The following CCDC192 variants were observed in gnomAD, a reference collection of about 807,000 sequenced individuals.
CCDC192 encodes coiled-coil domain-containing protein 192.
intron 5 of CCDC192, among the ~76,000 whole-genome samples, chr5:127,814,845 G>A (rs960513139): frequency 6.6e-6 from 1 of 152,154 alleles, no homozygotes; most frequent in African/African-American, 2.4e-5. Context: ...CATGTCCTAC[G>A]TACCTGTGTT....
intron 2 of CCDC192, among the ~76,000 whole-genome samples, chr5:127,713,207 C>T (rs1751437306): frequency 1.3e-5 from 2 of 151,596 alleles, no homozygotes; most frequent in African/African-American, 4.9e-5. Context: ...GGACTCCAGC[C>T]TGGGCAACAA....
chr5:127,789,144 T>C (rs1756727787), intron 3 of CCDC192, among the ~76,000 whole-genome samples: 1 of 152,202 alleles, frequency 6.6e-6, no homozygotes, highest in Admixed American at 6.5e-5. Flanking sequence ...GTTATAGAAG[T>C]CTGAACTGAC....
intron 5 of CCDC192, among the ~76,000 whole-genome samples, chr5:127,833,943 AT>A (rs1040590088): frequency 6.6e-6 from 1 of 152,162 alleles, no homozygotes; most frequent in Non-Finnish European, 1.5e-5. Flanking sequence ...GAAAATGGAA[AT>A]CATAATGATG....
chr5:127,798,376 A>G (rs1275022161), intron 5 of CCDC192, among the ~76,000 whole-genome samples: 1 of 152,174 alleles, frequency 6.6e-6, no homozygotes, highest in Non-Finnish European at 1.5e-5. Context: ...GAGCTCTTAT[A>G]TATAATCAGA....
chr5:127,881,628 G>C (rs910431850), intron 6 of CCDC192, among the ~76,000 whole-genome samples: 1 of 152,164 alleles, frequency 6.6e-6, no homozygotes, highest in Admixed American at 6.5e-5. Context: ...TATTTCATTG[G>C]CAGTGTGCTT....
At chr5:127,851,789 A>G (rs182875034) in intron 5 of CCDC192, among the ~76,000 whole-genome samples, 1 of 152,228 alleles carries the variant, frequency 6.6e-6, no homozygotes, top group East Asian at 1.9e-4. Context: ...CCTTTTAACT[A>G]GATTCTTCCT....
chr5:127,841,160 C>T (rs891946998), intron 5 of CCDC192, among the ~76,000 whole-genome samples: 3 of 152,120 alleles, frequency 2.0e-5, no homozygotes, highest in Non-Finnish European at 4.4e-5. Flanking sequence ...TTGTATGTGC[C>T]CTTAAGAGGC....
chr5:127,910,594 G>C (rs912741585), intron 6 of CCDC192, among the ~76,000 whole-genome samples: 2 of 152,178 alleles, frequency 1.3e-5, no homozygotes, highest in Non-Finnish European at 2.9e-5. Context: ...CAAATATGTA[G>C]AAGCGTAAAT....
At chr5:127,934,587 G>A (rs963606606) in intron 6 of CCDC192, among the ~76,000 whole-genome samples, 10 of 151,996 alleles carry the variant, frequency 6.6e-5, no homozygotes, top group Admixed American at 5.2e-4. Flanking sequence ...AAAAGGGGAG[G>A]ACAGATGAAA....
At chr5:127,843,702 T>A (rs1424676734) in intron 5 of CCDC192, among the ~76,000 whole-genome samples, 1 of 152,080 alleles carries the variant, frequency 6.6e-6, no homozygotes, top group Non-Finnish European at 1.5e-5. Flanking sequence ...CCTCCCAAAG[T>A]GCTAGAATTA....
At chr5:127,829,818 A>G (rs1016048681) in intron 5 of CCDC192, among the ~76,000 whole-genome samples, 1 of 152,174 alleles carries the variant, frequency 6.6e-6, no homozygotes, top group African/African-American at 2.4e-5. Flanking sequence ...CCCCAACTGT[A>G]GCCCCCACAA....
At chr5:127,747,516 T>G in intron 2 of CCDC192, among the ~76,000 whole-genome samples, 1 of 152,178 alleles carries the variant, frequency 6.6e-6, no homozygotes, top group South Asian at 2.1e-4. Context: ...TTGTTGGGCA[T>G]TTGGGTTGGT....
At chr5:127,929,816 C>T (rs893933927) in intron 6 of CCDC192, among the ~76,000 whole-genome samples, 3 of 152,278 alleles carry the variant, frequency 2.0e-5, no homozygotes, top group East Asian at 3.9e-4. Flanking sequence ...TTCCTTATTT[C>T]ATAAGGAGGT....
intron 2 of CCDC192, among the ~76,000 whole-genome samples, chr5:127,751,963 C>T (rs1484531396): frequency 1.3e-5 from 2 of 152,028 alleles, no homozygotes; most frequent in Non-Finnish European, 2.9e-5. Context: ...TTTTCAGCTC[C>T]ATCAGCTCCT....
Position 127,774,117 on chromosome 5 carries a change from T to C in CCDC192, c.222+19742T>C, listed in dbSNP as rs191479988. ...CCAGTTTTCAATTGGGTGGTTTGTCTTTTTGTTGCCGAATTGTAAGTTCTT... is the reference window on the plus strand; with the variant it reads ...CCAGTTTTCAATTGGGTGGTTTGTCCTTTTGTTGCCGAATTGTAAGTTCTT... On this transcript the variant is annotated intron_variant, in intron 3 of 6. Transcript: ENST00000514853. Among the ~76,000 whole-genome samples, 28 of 152,322 alleles carry C rather than the reference T, an allele frequency of 1.8e-4. No homozygotes were observed. The East Asian group carries it at 4.8e-3, about 26-fold the overall frequency.
At chr5:127,722,161 CT>C (rs1324954035) in intron 2 of CCDC192, among the ~76,000 whole-genome samples, 1 of 152,192 alleles carries the variant, frequency 6.6e-6, no homozygotes, top group Non-Finnish European at 1.5e-5. Context: ...GCCATTTTAA[CT>C]GGGGTGAGAT....
intron 3 of CCDC192, among the ~76,000 whole-genome samples, chr5:127,780,332 G>A (rs1192248033): frequency 6.6e-6 from 1 of 152,132 alleles, no homozygotes. Flanking sequence ...ATATCCAGTA[G>A]TGGGGTTTCT....
chr5:127,869,088 C>T (rs747993183), intron 5 of CCDC192, among the ~76,000 whole-genome samples: 6 of 152,206 alleles, frequency 3.9e-5, no homozygotes, highest in South Asian at 2.1e-4. Flanking sequence ...TTTGGGAGGC[C>T]GAGGCAGGTG....
chr5:127,907,041 G>C (rs1753215965), intron 6 of CCDC192, among the ~76,000 whole-genome samples: 2 of 151,832 alleles, frequency 1.3e-5, no homozygotes, highest in Non-Finnish European at 2.9e-5. Flanking sequence ...TTGTTTGGTT[G>C]GGTTTTTTTT....
Sources: gnomAD v4.1 joint callset for allele counts (sites outside exome capture counted in the v4.1 genomes callset) on GRCh38, gnomAD v4.1.1 for gene constraint, MANE v1.5 for transcripts, NCBI Gene and HGNC (gene_info 2026-07-23, HGNC 2026-07-21) for gene names.